GPC6: variants seen among roughly 807,000 people sequenced by gnomAD.
The protein encoded by GPC6 is glypican-6.
A neutral mutation model predicts 55.2 loss-of-function variants in GPC6; 14 were observed. The observed-to-expected ratio is 0.25, with a 90% CI of 0.17 to 0.40. The LOEUF (loss-of-function observed/expected upper bound fraction) is 0.40. GPC6 is among the 10% of genes least tolerant of loss of function. GPC6 has a pLI of 1.00. For synonymous variants in GPC6, 278 were observed against 259.6 expected, an observed-to-expected ratio of 1.07 and a Z score of -0.68; for missense variants, 641 against 708.5, an observed-to-expected ratio of 0.90 and a Z score of 1.08.
intron 1 of GPC6, among the ~76,000 whole-genome samples, chr13:93,243,988 G>A (rs976819287): frequency 6.6e-6 from 1 of 152,026 alleles, no homozygotes; most frequent in Non-Finnish European, 1.5e-5. Context: ...CCCTGTCTGT[G>A]TTCTGCTGCC....
At chr13:93,355,841 G>A (rs1880829584) in intron 1 of GPC6, among the ~76,000 whole-genome samples, 1 of 152,064 alleles carries the variant, frequency 6.6e-6, no homozygotes, top group Non-Finnish European at 1.5e-5. Context: ...AGGAAGTATG[G>A]GGTGCATGTG....
At position 94,026,894 on chromosome 13, in the gene GPC6, A is replaced by G. The variant is rs201038365; in HGVS notation, c.712-835A>G. Among the ~76,000 whole-genome samples the G allele has an allele frequency of 9.2e-5, 14 of 152,270 alleles. No individual in the cohort carries two copies. The East Asian group carries it at 2.5e-3, about 27-fold the overall frequency. On this transcript the variant is annotated intron_variant, in intron 3 of 8. Coordinates refer to ENST00000377047, the MANE Select transcript of GPC6 (RefSeq NM_005708.5). ...ACTATCACAAGAATAGCAGGATGAG[A>G]GTAACTGCCCCCATGATTCACCTCC...
intron 2 of GPC6, among the ~76,000 whole-genome samples, chr13:93,772,204 A>G (rs1220307155): frequency 1.3e-5 from 2 of 152,198 alleles, no homozygotes; most frequent in African/African-American, 4.8e-5. Flanking sequence ...AGATAACTGT[A>G]GGATGATTTA....
At chr13:93,250,428 A>G (rs958712977) in intron 1 of GPC6, among the ~76,000 whole-genome samples, 1 of 152,162 alleles carries the variant, frequency 6.6e-6, no homozygotes, top group Non-Finnish European at 1.5e-5. Flanking sequence ...AGGACCGGGT[A>G]ACTAGTCCCC....
At chr13:93,435,865 T>C (rs540402106) in intron 1 of GPC6, among the ~76,000 whole-genome samples, 1 of 152,164 alleles carries the variant, frequency 6.6e-6, no homozygotes, top group Non-Finnish European at 1.5e-5. Context: ...CACCAGCAAA[T>C]TTTGTAGAAA....
intron 3 of GPC6, among the ~76,000 whole-genome samples, chr13:93,864,022 A>G (rs144358996): frequency 4.9e-4 from 75 of 151,742 alleles, no homozygotes; most frequent in African/African-American, 1.7e-3. Context: ...AACACTCTTA[A>G]AATGCATTGC....
At chr13:93,453,478 G>T (rs1878305575) in intron 1 of GPC6, among the ~76,000 whole-genome samples, 1 of 151,296 alleles carries the variant, frequency 6.6e-6, no homozygotes, top group African/African-American at 2.4e-5. Flanking sequence ...ACTTTTAAGG[G>T]AAGTATTGTG....
chr13:93,219,409 A>G, the GPC6 span, among the ~76,000 whole-genome samples: 1 of 152,132 alleles, frequency 6.6e-6, no homozygotes, highest in African/African-American at 2.4e-5. Flanking sequence ...ACCCTTTCTT[A>G]TGACCAAACA....
At chr13:93,974,506 A>C (rs1267364480) in intron 3 of GPC6, among the ~76,000 whole-genome samples, 1 of 152,198 alleles carries the variant, frequency 6.6e-6, no homozygotes, top group Non-Finnish European at 1.5e-5. Context: ...CTATGTAACA[A>C]ATCTTAATAA....
intron 1 of GPC6, among the ~76,000 whole-genome samples, chr13:93,482,544 C>A (rs1879558190): frequency 6.6e-6 from 1 of 151,864 alleles, no homozygotes; most frequent in Non-Finnish European, 1.5e-5. Flanking sequence ...TCAAAAGTAA[C>A]CTATCATGAA....
chr13:93,872,517 G>A (rs1338904147), intron 3 of GPC6, among the ~76,000 whole-genome samples: 5 of 151,956 alleles, frequency 3.3e-5, no homozygotes, highest in Admixed American at 1.3e-4. Context: ...GGTGTTCTCA[G>A]TGCTGCGATT....
intron 4 of GPC6, among the ~76,000 whole-genome samples, chr13:94,194,875 T>TA (rs1566528691): frequency 4.6e-5 from 7 of 151,984 alleles, no homozygotes; most frequent in South Asian, 4.2e-4. Context: ...GTGTGTGTGT[T>TA]TGTGTGTGTG....
chr13:94,243,520 T>C (rs1483379265), intron 4 of GPC6, among the ~76,000 whole-genome samples: 1 of 152,128 alleles, frequency 6.6e-6, no homozygotes, highest in Admixed American at 6.6e-5. Flanking sequence ...ATTTTCCCTG[T>C]CACTCACTGG....
At chr13:94,108,411 G>T (rs914081203) in intron 4 of GPC6, among the ~76,000 whole-genome samples, 3 of 152,154 alleles carry the variant, frequency 2.0e-5, no homozygotes, top group African/African-American at 7.2e-5. Flanking sequence ...AGGGTTAAAA[G>T]ATTACCAATT....
chr13:93,565,392 A>C (rs1178591811), intron 2 of GPC6, among the ~76,000 whole-genome samples: 1 of 152,226 alleles, frequency 6.6e-6, no homozygotes, highest in Admixed American at 6.5e-5. Flanking sequence ...CATTTTAACA[A>C]TAAACTTGTT....
intron 2 of GPC6, among the ~76,000 whole-genome samples, chr13:93,800,409 G>A (rs1886332807): frequency 6.6e-6 from 1 of 152,048 alleles, no homozygotes; most frequent in Non-Finnish European, 1.5e-5. Flanking sequence ...TTCAAGGGTG[G>A]AATTGAAGAT....
At chr13:93,756,326 C>T (rs1461333797) in intron 2 of GPC6, among the ~76,000 whole-genome samples, 1 of 152,130 alleles carries the variant, frequency 6.6e-6, no homozygotes, top group Non-Finnish European at 1.5e-5. Flanking sequence ...CACCCCCACC[C>T]ATTTTCTTAC....
chr13:93,386,291 G>A (rs1258717616), intron 1 of GPC6, among the ~76,000 whole-genome samples: 3 of 152,122 alleles, frequency 2.0e-5, no homozygotes, highest in African/African-American at 7.2e-5. Flanking sequence ...TTTCAATGTA[G>A]ATAATTCTCC....
chr13:93,955,233 G>A (rs1879449598), intron 3 of GPC6, among the ~76,000 whole-genome samples: 1 of 136,698 alleles, frequency 7.3e-6, no homozygotes, highest in South Asian at 2.5e-4. Flanking sequence ...CATAACTCTT[G>A]AATGAACATG....
Sources: gnomAD v4.1 joint callset for allele counts (sites outside exome capture counted in the v4.1 genomes callset) on GRCh38, gnomAD v4.1.1 for gene constraint, MANE v1.5 for transcripts, NCBI Gene and HGNC (gene_info 2026-07-23, HGNC 2026-07-21) for gene names.